The following GRIP1 variants were observed in gnomAD, a reference collection of about 807,000 sequenced individuals.
GRIP1 encodes glutamate receptor interacting protein 1.
A neutral mutation model predicts 129.9 loss-of-function variants in GRIP1; 45 were observed. The ratio of observed to expected loss-of-function variants is 0.35; its 90% CI spans 0.27 to 0.44. GRIP1 has a LOEUF of 0.44. GRIP1 is among the 20% of genes least tolerant of loss of function. The probability of loss-of-function intolerance (pLI) is 1.00; values close to 1 mark genes in which losing one functional copy is unlikely to be tolerated. For missense variants in GRIP1, 1,196 were observed against 1,396.8 expected, an observed-to-expected ratio of 0.86 and a Z score of 2.29; for synonymous variants, 530 against 520.8, an observed-to-expected ratio of 1.02 and a Z score of -0.24.
chr12:66,823,704 A>G (rs1391719216), intron 1 of GRIP1, among the ~76,000 whole-genome samples: 1 of 151,724 alleles, frequency 6.6e-6, no homozygotes, highest in African/African-American at 2.4e-5. Context: ...TCATTTCTCT[A>G]TACAAATGAT....
intron 1 of GRIP1, among the ~76,000 whole-genome samples, chr12:66,964,770 C>T (rs1021354214): frequency 3.9e-5 from 6 of 152,118 alleles, no homozygotes; most frequent in Non-Finnish European, 7.4e-5. Context: ...GCTTAAACCA[C>T]AGAAATTTAT....
intron 1 of GRIP1, among the ~76,000 whole-genome samples, chr12:66,718,487 C>A (rs1039070895): frequency 6.6e-6 from 1 of 152,106 alleles, no homozygotes; most frequent in Non-Finnish European, 1.5e-5. Flanking sequence ...TTTCCATGAT[C>A]AATTAAGTTT....
intron 2 of GRIP1, among the ~76,000 whole-genome samples, chr12:66,557,487 G>A (rs999391131): frequency 3.9e-5 from 6 of 152,076 alleles, no homozygotes; most frequent in Non-Finnish European, 5.9e-5. Flanking sequence ...TGGTATCTAC[G>A]GAACATTTTA....
chr12:66,449,672 T>A (rs1309569860), intron 11 of GRIP1, among the ~76,000 whole-genome samples: 2 of 152,200 alleles, frequency 1.3e-5, no homozygotes, highest in Non-Finnish European at 2.9e-5. Flanking sequence ...ACTCTCCAGA[T>A]AATAATTTTT....
chr12:66,396,389 G>A (rs898111327), intron 16 of GRIP1, among the ~76,000 whole-genome samples: 1 of 152,160 alleles, frequency 6.6e-6, no homozygotes, highest in African/African-American at 2.4e-5. Context: ...GACTATGGAA[G>A]GGGAGTTGGG....
At chr12:67,008,231 C>T (rs1374609530) in intron 1 of GRIP1, among the ~76,000 whole-genome samples, 1 of 152,090 alleles carries the variant, frequency 6.6e-6, no homozygotes, top group Non-Finnish European at 1.5e-5. Flanking sequence ...GGTACTGCCC[C>T]GTTCATGCTC....
intron 7 of GRIP1, among the ~76,000 whole-genome samples, chr12:66,471,856 G>C (rs2059448174): frequency 6.6e-6 from 1 of 152,242 alleles, no homozygotes; most frequent in South Asian, 2.1e-4. Context: ...GGTGTCTCTA[G>C]AATGGGACGA....
intron 1 of GRIP1, among the ~76,000 whole-genome samples, chr12:66,881,653 G>A (rs1273159457): frequency 6.6e-6 from 1 of 152,062 alleles, no homozygotes; most frequent in Non-Finnish European, 1.5e-5. Context: ...CAAAGGAGGG[G>A]GAAAGGGTCA....
chr12:66,675,830 C>T (rs777795168), intron 1 of GRIP1, among the ~76,000 whole-genome samples: 5 of 152,148 alleles, frequency 3.3e-5, no homozygotes, highest in South Asian at 2.1e-4. Context: ...CAAAGTTCCT[C>T]TCATAATGGC....
At chr12:66,939,009 C>T (rs1191391847) in intron 1 of GRIP1, among the ~76,000 whole-genome samples, 2 of 144,102 alleles carry the variant, frequency 1.4e-5, no homozygotes, top group Non-Finnish European at 3.1e-5. Flanking sequence ...GCAGGTAAAG[C>T]GGCTGGAGGA....
intron 2 of GRIP1, among the ~76,000 whole-genome samples, chr12:66,592,057 T>TA (rs1474733029): frequency 1.3e-5 from 2 of 152,082 alleles, no homozygotes; most frequent in African/African-American, 4.8e-5. Flanking sequence ...TCTGTAATAA[T>TA]AAAAAATTAC....
At chr12:66,951,514 C>A (rs2041757493) in intron 1 of GRIP1, among the ~76,000 whole-genome samples, 1 of 152,108 alleles carries the variant, frequency 6.6e-6, no homozygotes, top group Non-Finnish European at 1.5e-5. Context: ...GGGAGCCAGA[C>A]CGTACAGGAA....
chr12:66,923,938 A>C (rs962672922), intron 1 of GRIP1, among the ~76,000 whole-genome samples: 2 of 151,904 alleles, frequency 1.3e-5, no homozygotes, highest in East Asian at 3.9e-4. Context: ...TCCGCCTCCC[A>C]GGTTCAAGTG....
intron 14 of GRIP1, among the ~76,000 whole-genome samples, chr12:66,432,168 T>C (rs1389764754): frequency 1.3e-5 from 2 of 152,180 alleles, no homozygotes; most frequent in East Asian, 3.9e-4. Context: ...GTAGAGAATC[T>C]ATATGCATCT....
intron 1 of GRIP1, among the ~76,000 whole-genome samples, chr12:67,028,735 C>T (rs548799584): frequency 2.6e-5 from 4 of 152,230 alleles, no homozygotes; most frequent in African/African-American, 9.6e-5. Context: ...AAGGAGTACT[C>T]AGGGGAATCC....
chr12:66,847,072 A>G (rs970558106), intron 1 of GRIP1, among the ~76,000 whole-genome samples: 1 of 152,180 alleles, frequency 6.6e-6, no homozygotes, highest in Admixed American at 6.5e-5. Context: ...CAGCTGCTCC[A>G]TAAGGGGAAA....
At chr12:66,963,435 A>C (rs1198703026) in intron 1 of GRIP1, among the ~76,000 whole-genome samples, 1 of 152,202 alleles carries the variant, frequency 6.6e-6, no homozygotes, top group East Asian at 1.9e-4. Context: ...CCCTCACAAC[A>C]TATCTATAAT....
intron 1 of GRIP1, among the ~76,000 whole-genome samples, chr12:66,945,858 C>T (rs2041660062): frequency 6.6e-6 from 1 of 152,256 alleles, no homozygotes; most frequent in South Asian, 2.1e-4. Context: ...TCCTCCTCAA[C>T]ATTTTAGCAA....
At chr12:66,648,215 C>G (rs1399111915) in intron 1 of GRIP1, among the ~76,000 whole-genome samples, 1 of 152,154 alleles carries the variant, frequency 6.6e-6, no homozygotes, top group African/African-American at 2.4e-5. Context: ...GTGGCTCATG[C>G]CCATTCTGCC....
Sources: allele counts gnomAD v4.1 joint callset (sites outside exome capture counted in the v4.1 genomes callset), GRCh38; gene constraint gnomAD v4.1.1; transcripts MANE v1.5; gene names NCBI Gene and HGNC (gene_info 2026-07-23, HGNC 2026-07-21).